Variants in RAP1GAP2 observed in about 807,000 individuals in gnomAD.
RAP1GAP2 encodes the protein rap1 GTPase-activating protein 2.
A neutral mutation model predicts 95.0 loss-of-function variants in RAP1GAP2; 27 were observed. The observed-to-expected ratio is 0.28, with a 90% CI of 0.21 to 0.39. The LOEUF (loss-of-function observed/expected upper bound fraction) is 0.39. RAP1GAP2 is among the 10% of genes least tolerant of loss of function. The pLI is 1.00. For missense variants in RAP1GAP2, 771 were observed against 970.0 expected (o/e 0.79, Z 2.72); for synonymous variants, 373 against 380.9 (o/e 0.98, Z 0.24).
intron 5 of RAP1GAP2, 84 bp downstream of exon 5, chr17:2,962,798 C>A: frequency 1.6e-6 from 2 of 1,285,402 alleles, no homozygotes; most frequent in Non-Finnish European, 2.1e-6. Flanking sequence ...TGCCGGGATG[C>A]TGGGGTCTTC....
At chr17:2,887,263 G>A (rs2073534962) in intron 2 of RAP1GAP2, among the ~76,000 whole-genome samples, 1 of 151,484 alleles carries the variant, frequency 6.6e-6, no homozygotes, top group African/African-American at 2.4e-5. Flanking sequence ...TCCCCATATT[G>A]CCCAGGCTGG....
At chr17:2,761,362 C>T (rs1181372343) in intron 1 of RAP1GAP2, among the ~76,000 whole-genome samples, 2 of 149,600 alleles carry the variant, frequency 1.3e-5, no homozygotes, top group Non-Finnish European at 3.0e-5. Flanking sequence ...GATCTCAGCT[C>T]ACCGCAACCT....
At position 3,027,165 on chromosome 17, in the gene RAP1GAP2, G is replaced by T; in HGVS notation, c.2107+95G>T. ...GGCCCCAGCCACGCTGAACTGGCCA[G>T]TTTTCACCCCTCCTCCCAGCTGTGA... On this transcript the variant is annotated intron_variant, in intron 22 of 24. Transcript: ENST00000254695. The surrounding 1 kb of genome is among the most constrained non-coding windows in gnomAD (Gnocchi z 5.2). 7.0e-7 allele frequency: 1 copy of T among 1,427,988 alleles called. No individual in the cohort carries two copies. Among genetic ancestry groups the T allele is most frequent in the Non-Finnish European group, 9.3e-7 (1 of 1,072,532 alleles). 88.5% of individuals were successfully genotyped at this position (1,427,988 alleles called of 1,614,324 possible). A position where few individuals can be genotyped will look rare whatever the true frequency, so the allele number is the denominator to read the frequency against.
chr17:2,807,795 G>C (rs888130883), intron 2 of RAP1GAP2, among the ~76,000 whole-genome samples: 11 of 152,156 alleles, frequency 7.2e-5, no homozygotes, highest in African/African-American at 2.7e-4. Context: ...TGGAAGTGGG[G>C]CTGGATCAAA....
intron 17 of RAP1GAP2, 144 bp from the exon 18 acceptor site, chr17:3,017,917 G>A (rs1418531545): frequency 1.8e-5 from 4 of 225,282 alleles, no homozygotes; most frequent in Non-Finnish European, 1.9e-5. Flanking sequence ...CTCTGTGACC[G>A]TGTGTGTGTG....
rs2047173908 is a variant in RAP1GAP2 at position 3,027,791 on chromosome 17, AG to A, written c.2107+725del. Among the ~76,000 whole-genome samples, 1 of 58,386 alleles carries A rather than the reference AG, an allele frequency of 1.7e-5. No individual in the cohort carries two copies. The highest frequency in any genetic ancestry group is 6.4e-5 in the African/African-American group (1 of 15,562). 38.3% of individuals were successfully genotyped at this position (58,386 alleles called of 152,430 possible). A position where few individuals can be genotyped will look rare whatever the true frequency, so the allele number is the denominator to read the frequency against. On this transcript the variant is annotated intron_variant, in intron 22 of 24. Transcript: ENST00000254695. This position sits in a 1 kb window ranked among gnomAD's most constrained non-coding sequence, Gnocchi z 5.2. ...GGAGCAGAGGGGAGGGATGGAGGGG[AG>A]GGGAGAGGAGGGGAGGGGAGCTGCG... is the stretch of plus-strand genomic sequence containing the variant.
chr17:2,958,774 A>C (rs1030979335), intron 4 of RAP1GAP2, among the ~76,000 whole-genome samples: 2 of 147,300 alleles, frequency 1.4e-5, no homozygotes, highest in South Asian at 4.6e-4. Context: ...TGGAAGTCCT[A>C]GGAGGAGGGG....
At chr17:2,757,988 G>T (rs533722650) in intron 1 of RAP1GAP2, among the ~76,000 whole-genome samples, 4 of 152,012 alleles carry the variant, frequency 2.6e-5, no homozygotes, top group African/African-American at 9.6e-5. Flanking sequence ...TCCTGCCTCA[G>T]CCTCCTGAGT....
intron 2 of RAP1GAP2, among the ~76,000 whole-genome samples, chr17:2,884,865 C>G (rs551250085): frequency 6.6e-6 from 1 of 152,254 alleles, no homozygotes. Context: ...CAAATTATGA[C>G]ACAAGTGTAA....
intron 3 of RAP1GAP2, among the ~76,000 whole-genome samples, chr17:2,957,483 G>A (rs1265669675): frequency 6.6e-6 from 1 of 152,252 alleles, no homozygotes; most frequent in African/African-American, 2.4e-5. Context: ...CCAGGGGCCG[G>A]CAGGCCCCTT....
At chr17:2,828,283 G>A (rs1035713588) in intron 2 of RAP1GAP2, among the ~76,000 whole-genome samples, 43 of 152,178 alleles carry the variant, frequency 2.8e-4, no homozygotes, top group Admixed American at 1.6e-3. Context: ...GGAGGTTGCA[G>A]TGAGCCGAGA....
intron 12 of RAP1GAP2, among the ~76,000 whole-genome samples, chr17:2,992,055 C>G (rs149505906): frequency 6.6e-6 from 1 of 152,164 alleles, no homozygotes; most frequent in Non-Finnish European, 1.5e-5. Flanking sequence ...CGTGAGCCGC[C>G]GCGCCTGGCC....
chr17:2,899,016 T>C (rs1406860486), intron 2 of RAP1GAP2, among the ~76,000 whole-genome samples: 1 of 150,200 alleles, frequency 6.7e-6, no homozygotes. Context: ...CCGTTCTGTC[T>C]GTGGATTTGC....
chr17:3,031,112 C>A, intron 23 of RAP1GAP2, 114 bp downstream of exon 23: 1 of 1,201,548 alleles, frequency 8.3e-7, no homozygotes, highest in Non-Finnish European at 1.2e-6. Flanking sequence ...CCGAAGGAGG[C>A]AGGGGAAGCT....
intron 24 of RAP1GAP2, 130 bp downstream of exon 24, chr17:3,032,579 T>C: frequency 1.1e-6 from 1 of 892,228 alleles, no homozygotes; most frequent in Non-Finnish European, 1.8e-6. Context: ...CCAAAGAGTC[T>C]CCTACTCGCC....
intron 12 of RAP1GAP2, among the ~76,000 whole-genome samples, chr17:2,993,400 C>T (rs1034950885): frequency 1.3e-5 from 2 of 149,758 alleles, no homozygotes; most frequent in Admixed American, 6.7e-5. Flanking sequence ...GGTGAAACCA[C>T]GTCTCTACTA....
chr17:2,795,172 C>T (rs1295301998), upstream of RAP1GAP2, among the ~76,000 whole-genome samples: 1 of 151,836 alleles, frequency 6.6e-6, no homozygotes, highest in Non-Finnish European at 1.5e-5. Context: ...GCCGCCACAC[C>T]CGGCCTTTCT....
intron 2 of RAP1GAP2, among the ~76,000 whole-genome samples, chr17:2,877,961 T>C (rs1012175715): frequency 6.6e-6 from 1 of 151,668 alleles, no homozygotes; most frequent in Non-Finnish European, 1.5e-5. Flanking sequence ...TTGGAGATGA[T>C]GGTGGAGGGG....
chr17:2,760,664 A>G (rs888591368), intron 1 of RAP1GAP2, among the ~76,000 whole-genome samples: 9 of 150,978 alleles, frequency 6.0e-5, no homozygotes, highest in African/African-American at 2.2e-4. Context: ...TTTTTTACTT[A>G]CGGTAAACTT....
Sources: allele counts gnomAD v4.1 joint callset (sites outside exome capture counted in the v4.1 genomes callset), GRCh38; gene constraint gnomAD v4.1.1; non-coding constraint Gnocchi (gnomAD v3.1); transcripts MANE v1.5; gene names NCBI Gene and HGNC (gene_info 2026-07-23, HGNC 2026-07-21).